STK32A: variants seen among roughly 807,000 people sequenced by gnomAD.
STK32A encodes serine/threonine-protein kinase 32A.
STK32A carries 41 observed loss-of-function variants against 53.2 expected under a neutral mutation model. The observed-to-expected ratio is 0.77, with a 90% CI of 0.60 to 1.00. The LOEUF (loss-of-function observed/expected upper bound fraction) is 1.00, where lower values mean the gene tolerates loss of function less well. Ranked by LOEUF, STK32A falls within the 50% of genes least tolerant of loss-of-function variation. The pLI is 0.00. For missense variants in STK32A, 458 were observed against 485.8 expected (o/e 0.94, Z 0.54); for synonymous variants, 166 against 162.8 (o/e 1.02, Z -0.15).
chr5:147,288,529 T>C (rs912565428), intron 4 of STK32A, among the ~76,000 whole-genome samples: 4 of 152,100 alleles, frequency 2.6e-5, no homozygotes, highest in Non-Finnish European at 5.9e-5. Context: ...GCAGGAAGCA[T>C]AGTGGCTTCT....
At chr5:147,378,072 C>A (rs114729704) in intron 11 of STK32A, among the ~76,000 whole-genome samples, 1,668 of 152,184 alleles carry the variant, frequency 0.011, 33 homozygotes, top group African/African-American at 0.038. Context: ...GTCAATCTTA[C>A]CTTATTATAT....
intron 5 of STK32A, among the ~76,000 whole-genome samples, chr5:147,328,286 A>G (rs1279962524): frequency 6.6e-6 from 1 of 152,184 alleles, no homozygotes; most frequent in East Asian, 1.9e-4. Context: ...AGAAATGTCT[A>G]GTGTAGTGAT....
chr5:147,318,187 G>C (rs1754106757), intron 4 of STK32A, among the ~76,000 whole-genome samples: 1 of 151,782 alleles, frequency 6.6e-6, no homozygotes, highest in Non-Finnish European at 1.5e-5. Context: ...TGTGAACTTT[G>C]TTCTTTTCCT....
At chr5:147,312,282 G>A (rs1581076273) in intron 4 of STK32A, among the ~76,000 whole-genome samples, 1 of 151,834 alleles carries the variant, frequency 6.6e-6, no homozygotes, top group Non-Finnish European at 1.5e-5. Flanking sequence ...TTTTGTATTT[G>A]TAGTAGAGAC....
chr5:147,401,187 T>G, the STK32A span, among the ~76,000 whole-genome samples: 1 of 152,248 alleles, frequency 6.6e-6, no homozygotes, highest in Non-Finnish European at 1.5e-5. Context: ...GCAAATGATT[T>G]AGCTTCTCTG....
At chr5:147,381,336 TG>T (rs1358147650) in intron 11 of STK32A, among the ~76,000 whole-genome samples, 1 of 152,152 alleles carries the variant, frequency 6.6e-6, no homozygotes, top group East Asian at 1.9e-4. Flanking sequence ...TCCTTGTCTT[TG>T]GCTTTAGAAA....
intron 2 of STK32A, among the ~76,000 whole-genome samples, chr5:147,260,997 A>T (rs772514817): frequency 6.6e-6 from 1 of 152,124 alleles, no homozygotes; most frequent in Non-Finnish European, 1.5e-5. Context: ...TTGCCGCAGT[A>T]TGTGAGGATC....
intron 2 of STK32A, among the ~76,000 whole-genome samples, chr5:147,274,512 A>C (rs9325039): frequency 0.59 from 89,681 of 152,044 alleles, 26,825 homozygotes; most frequent in African/African-American, 0.67. Flanking sequence ...AGAGAAAACA[A>C]TGCAAGGACA....
chr5:147,354,952 T>C (rs1296846349), intron 7 of STK32A, among the ~76,000 whole-genome samples: 6 of 152,216 alleles, frequency 3.9e-5, no homozygotes, highest in Non-Finnish European at 8.8e-5. Context: ...ATAGGAGTCT[T>C]TCCCAGACGT....
intron 2 of STK32A, among the ~76,000 whole-genome samples, chr5:147,272,776 T>G (rs1032365708): frequency 2.0e-5 from 3 of 152,222 alleles, no homozygotes; most frequent in Non-Finnish European, 4.4e-5. Context: ...GTTTATAATG[T>G]CTCATCTTCA....
chr5:147,253,598 C>A (rs1277844716), intron 2 of STK32A, among the ~76,000 whole-genome samples: 1 of 152,162 alleles, frequency 6.6e-6, no homozygotes, highest in African/African-American at 2.4e-5. Context: ...TCAAGTGATC[C>A]ACCCACCTCA....
chr5:147,383,608 T>G (rs1264925559), intron 12 of STK32A, 103 bp downstream of exon 12: 4 of 1,046,288 alleles, frequency 3.8e-6, no homozygotes, highest in Non-Finnish European at 5.5e-6. Flanking sequence ...AAAATTATTT[T>G]CTAATTGGGA....
At chr5:147,342,973 G>A in intron 5 of STK32A, 33 bp from the exon 6 acceptor site, 3 of 1,611,560 alleles carry the variant, frequency 1.9e-6, no homozygotes, top group Non-Finnish European at 2.5e-6. Flanking sequence ...GTTTTATTGT[G>A]AGCAACTTTC....
intron 2 of STK32A, among the ~76,000 whole-genome samples, chr5:147,243,748 C>T (rs556892504): frequency 4.6e-5 from 5 of 108,564 alleles, no homozygotes; most frequent in South Asian, 2.7e-4. Flanking sequence ...CAAAAAAAAA[C>T]GGCTTGCTTA....
chr5:147,331,436 A>G (rs1315354135), intron 5 of STK32A, among the ~76,000 whole-genome samples: 1 of 152,186 alleles, frequency 6.6e-6, no homozygotes. Flanking sequence ...GCCCTGTTCT[A>G]GGTATAGACG....
In STK32A at chr5:147,383,502, A is replaced by G. The variant is rs1230253261; in HGVS notation, c.1094A>G (p.Glu365Gly). The G allele has an allele frequency of 2.5e-6, 4 of 1,586,966 alleles. No individual in the cohort carries two copies. Among genetic ancestry groups the G allele is most frequent in the Non-Finnish European group, 3.4e-6 (4 of 1,165,850 alleles). The part of the protein sequence containing the change: ...VQKEFIIFNR[E>G]KVNRDFNKRQ... ...AAGGAGTTCATAATTTTCAACAGAG[A>G]AAAGTAAGTAATTCCTGGGAGAACA... Residue 365 changes from glutamate (E) to glycine (G), a missense_variant, in exon 12 of 13, where the codon GAA (glutamate) becomes GGA (glycine). Coordinates refer to ENST00000397936, the MANE Select transcript of STK32A (RefSeq NM_001112724.2).
At position 147,384,123 on chromosome 5, in the gene STK32A, C is replaced by T; in HGVS notation, c.*140C>T. ...AATGAATATATTTCAAAAAAGGCAG[C>T]ACAACACAGTGAAGGGTCCTGGGCC... On this transcript the variant is annotated 3_prime_UTR_variant, in exon 13 of 13. Coordinates refer to ENST00000397936, the MANE Select transcript of STK32A (RefSeq NM_001112724.2). 1.3e-6 allele frequency: 2 copies of T among 1,486,490 alleles called. No homozygotes were observed. Among genetic ancestry groups the T allele is most frequent in the African/African-American group, 1.4e-5 (1 of 69,286 alleles). The allele number at this position is 1,486,490 out of a possible 1,614,324, so 92.1% of individuals were successfully genotyped here. A position where few individuals can be genotyped will look rare whatever the true frequency, so the allele number is the denominator to read the frequency against.
intron 4 of STK32A, among the ~76,000 whole-genome samples, chr5:147,280,383 T>C (rs1202790577): frequency 1.8e-5 from 2 of 113,294 alleles, no homozygotes; most frequent in African/African-American, 6.9e-5. Flanking sequence ...CTTCTCTACT[T>C]AGAAACAACC....
intron 11 of STK32A, among the ~76,000 whole-genome samples, chr5:147,379,072 ATTTG>A (rs533046709): frequency 1.1e-3 from 174 of 151,384 alleles, no homozygotes; most frequent in African/African-American, 3.9e-3. Context: ...ATGTTTTTCC[ATTTG>A]TTTGTGTCCT....
Sources: allele counts gnomAD v4.1 joint callset (sites outside exome capture counted in the v4.1 genomes callset), GRCh38; gene constraint gnomAD v4.1.1; transcripts MANE v1.5; gene names NCBI Gene and HGNC (gene_info 2026-07-23, HGNC 2026-07-21).